CCSER1: variants seen among roughly 807,000 people sequenced by gnomAD.
CCSER1 encodes coiled-coil serine rich protein 1, also known as serine-rich coiled-coil domain-containing protein 1.
A neutral mutation model predicts 82.0 loss-of-function variants in CCSER1; 41 were observed. That is an observed-to-expected ratio of 0.50 (90% CI 0.39 to 0.65). CCSER1 has a LOEUF of 0.65. CCSER1 is among the 30% of genes least tolerant of loss of function. The pLI, the probability that CCSER1 is intolerant of heterozygous loss-of-function variation, is 0.00. For synonymous variants in CCSER1, 414 were observed against 383.9 expected, an observed-to-expected ratio of 1.08 and a Z score of -0.92; for missense variants, 1,119 against 1,064.2, an observed-to-expected ratio of 1.05 and a Z score of -0.72.
intron 8 of CCSER1, among the ~76,000 whole-genome samples, chr4:90,841,849 C>T (rs1327061134): frequency 6.6e-6 from 1 of 152,102 alleles, no homozygotes; most frequent in Non-Finnish European, 1.5e-5. Flanking sequence ...AACAATAAGC[C>T]AAACTCCAAA....
At chr4:90,449,183 C>T (rs1229116327) in intron 4 of CCSER1, among the ~76,000 whole-genome samples, 3 of 152,176 alleles carry the variant, frequency 2.0e-5, no homozygotes, top group East Asian at 1.9e-4. Flanking sequence ...GTCATCCCAA[C>T]GTCTGCCTAG....
At chr4:91,567,266 TC>T (rs1486612667) in intron 10 of CCSER1, among the ~76,000 whole-genome samples, 3 of 152,138 alleles carry the variant, frequency 2.0e-5, no homozygotes, top group Non-Finnish European at 4.4e-5. Context: ...TGATTACATT[TC>T]TTTTACATTT....
intron 5 of CCSER1, among the ~76,000 whole-genome samples, chr4:90,531,743 A>G (rs1245733510): frequency 1.3e-5 from 2 of 152,168 alleles, no homozygotes; most frequent in Non-Finnish European, 2.9e-5. Context: ...TTCTGTGAAA[A>G]ACTGGTCTGA....
intron 10 of CCSER1, among the ~76,000 whole-genome samples, chr4:91,469,124 C>A (rs1757122454): frequency 6.6e-6 from 1 of 152,090 alleles, no homozygotes; most frequent in South Asian, 2.1e-4. Flanking sequence ...TACATTGGAT[C>A]TTTCATTTTA....
At chr4:91,148,605 G>C (rs1325349122) in intron 10 of CCSER1, among the ~76,000 whole-genome samples, 2 of 152,138 alleles carry the variant, frequency 1.3e-5, no homozygotes, top group African/African-American at 4.8e-5. Flanking sequence ...ATTTACATTA[G>C]GTATATCTCC....
chr4:91,111,727 G>A (rs1357285923), intron 10 of CCSER1, among the ~76,000 whole-genome samples: 1 of 151,492 alleles, frequency 6.6e-6, no homozygotes, highest in African/African-American at 2.4e-5. Flanking sequence ...AATTCATGAG[G>A]TAGTCTGTAA....
At chr4:90,495,445 G>C (rs958766964) in intron 5 of CCSER1, among the ~76,000 whole-genome samples, 1 of 152,120 alleles carries the variant, frequency 6.6e-6, no homozygotes, top group African/African-American at 2.4e-5. Flanking sequence ...CTAGCCATCT[G>C]CTAGGCAATT....
At chr4:90,431,683 A>G (rs1758296937) in intron 4 of CCSER1, among the ~76,000 whole-genome samples, 1 of 152,046 alleles carries the variant, frequency 6.6e-6, no homozygotes, top group Non-Finnish European at 1.5e-5. Flanking sequence ...CAGTATTTGT[A>G]TATCTTCCAA....
intron 6 of CCSER1, among the ~76,000 whole-genome samples, chr4:90,691,452 A>G (rs1182558303): frequency 6.8e-6 from 1 of 146,776 alleles, no homozygotes; most frequent in Non-Finnish European, 1.5e-5. Context: ...TGTATATCCC[A>G]TAATCACATA....
intron 10 of CCSER1, among the ~76,000 whole-genome samples, chr4:91,564,042 C>T (rs1403277278): frequency 1.3e-5 from 2 of 151,926 alleles, no homozygotes; most frequent in Non-Finnish European, 1.5e-5. Context: ...CTACTCCCAG[C>T]CTCCCCCATT....
intron 10 of CCSER1, among the ~76,000 whole-genome samples, chr4:91,407,681 C>T (rs189921132): frequency 5.0e-4 from 76 of 152,218 alleles, no homozygotes; most frequent in Non-Finnish European, 5.4e-4. Flanking sequence ...GAGCAGGCTT[C>T]TATACAGAGA....
intron 10 of CCSER1, among the ~76,000 whole-genome samples, chr4:91,117,109 C>T (rs1726684449): frequency 6.6e-6 from 1 of 152,124 alleles, no homozygotes; most frequent in Non-Finnish European, 1.5e-5. Flanking sequence ...CAAAGCTAAA[C>T]AGAAACAATC....
At chr4:91,479,167 TTTTC>T (rs770602116) in intron 10 of CCSER1, among the ~76,000 whole-genome samples, 10 of 151,600 alleles carry the variant, frequency 6.6e-5, no homozygotes, top group East Asian at 5.8e-4. Context: ...TTGTTGAATA[TTTTC>T]TTTCTTTTTT....
chr4:91,439,211 A>G (rs1560671936), intron 10 of CCSER1, among the ~76,000 whole-genome samples: 1 of 152,164 alleles, frequency 6.6e-6, no homozygotes. Context: ...GAAGGAAAAA[A>G]TGTTAAGGGC....
intron 9 of CCSER1, among the ~76,000 whole-genome samples, chr4:91,068,651 T>A (rs1462392103): frequency 6.6e-6 from 1 of 152,188 alleles, no homozygotes; most frequent in African/African-American, 2.4e-5. Flanking sequence ...AGATAATAAT[T>A]ATTAAAAATG....
At chr4:91,436,673 T>A (rs1190424433) in intron 10 of CCSER1, among the ~76,000 whole-genome samples, 1 of 152,050 alleles carries the variant, frequency 6.6e-6, no homozygotes, top group South Asian at 2.1e-4. Context: ...TTCTTTAAGA[T>A]CAAGGCTATT....
intron 10 of CCSER1, among the ~76,000 whole-genome samples, chr4:91,300,336 A>G (rs1322603037): frequency 6.6e-6 from 1 of 151,952 alleles, no homozygotes; most frequent in Admixed American, 6.6e-5. Context: ...TTTTAGATGA[A>G]TTACAACTCT....
chr4:90,340,069 G>A (rs1741119830), intron 3 of CCSER1, among the ~76,000 whole-genome samples: 1 of 151,920 alleles, frequency 6.6e-6, no homozygotes, highest in South Asian at 2.1e-4. Context: ...TCTCCTTAGT[G>A]ACAATTAAAA....
At chr4:91,017,268 A>T (rs1739514157) in intron 9 of CCSER1, 1 of 152,196 alleles carries the variant, frequency 6.6e-6, no homozygotes, top group East Asian at 1.9e-4. Flanking sequence ...AACAACACGA[A>T]TGGGGAAGGA....
Sources: gnomAD v4.1 joint callset for allele counts (sites outside exome capture counted in the v4.1 genomes callset) on GRCh38, gnomAD v4.1.1 for gene constraint, MANE v1.5 for transcripts, NCBI Gene and HGNC (gene_info 2026-07-23, HGNC 2026-07-21) for gene names.